PLEKHM3: variants seen among roughly 807,000 people sequenced by gnomAD.
PLEKHM3 encodes pleckstrin homology domain-containing family M member 3.
Under a neutral mutation model 81.8 loss-of-function variants are expected in PLEKHM3, and 45 were observed. The observed-to-expected ratio is 0.55, with a 90% CI of 0.43 to 0.71. The LOEUF is 0.71. Ranked by LOEUF, PLEKHM3 falls within the 30% of genes least tolerant of loss-of-function variation. The pLI, the probability that PLEKHM3 is intolerant of heterozygous loss-of-function variation, is 0.00. For synonymous variants in PLEKHM3, 352 were observed against 356.4 expected (o/e 0.99, Z 0.14); for missense variants, 788 against 924.3 (o/e 0.85, Z 1.91).
At chr2:207,923,855 G>GCACACACACACACACACACACACACA (rs1157865708) in intron 5 of PLEKHM3, among the ~76,000 whole-genome samples, 1 of 18,896 alleles carries the variant, frequency 5.3e-5, no homozygotes, top group African/African-American at 1.4e-4. Context: ...ACACACGCAC[G>GCACACACACACACACACACACACACA]CACACACACA....
At chr2:207,845,934 C>T (rs772186823) in intron 7 of PLEKHM3, among the ~76,000 whole-genome samples, 3 of 152,156 alleles carry the variant, frequency 2.0e-5, no homozygotes, top group South Asian at 2.1e-4. Flanking sequence ...GCCAACTTTA[C>T]GGAAAACATC....
At chr2:208,022,581 C>T (rs1693163548) in intron 1 of PLEKHM3, among the ~76,000 whole-genome samples, 1 of 152,216 alleles carries the variant, frequency 6.6e-6, no homozygotes. Flanking sequence ...GGGCCACCCT[C>T]AGCAACTCTA....
intron 6 of PLEKHM3, among the ~76,000 whole-genome samples, chr2:207,879,849 G>A (rs1282914859): frequency 6.6e-6 from 1 of 152,060 alleles, no homozygotes; most frequent in African/African-American, 2.4e-5. Flanking sequence ...TGACATTCTT[G>A]TTGATTATGC....
chr2:207,861,058 C>A (rs1208889862), intron 7 of PLEKHM3, 47 bp downstream of exon 7: 9 of 1,592,776 alleles, frequency 5.7e-6, no homozygotes, highest in Non-Finnish European at 7.7e-6. Flanking sequence ...AAGAAAATGG[C>A]ATATTACACA....
chr2:207,897,758 G>A (rs1295026208), intron 6 of PLEKHM3, among the ~76,000 whole-genome samples: 4 of 152,126 alleles, frequency 2.6e-5, no homozygotes, highest in Non-Finnish European at 5.9e-5. Flanking sequence ...CCTCCTAAAA[G>A]CTCCTGACAG....
At position 208,001,586 on chromosome 2, in the gene PLEKHM3, T is replaced by C. The variant is rs1385311581; in HGVS notation, c.54A>G (p.Glu18=). The C allele has an allele frequency of 6.2e-7, 1 of 1,614,194 alleles. No homozygotes were observed. The highest frequency in any genetic ancestry group is 8.5e-7 in the Non-Finnish European group (1 of 1,180,022). ...GATTACTATCCAAAGTACTAAAGAATTCCTCCGTAACTTCTAAGGCTGGGC... is the reference window on the plus strand; with the variant it reads ...GATTACTATCCAAAGTACTAAAGAACTCCTCCGTAACTTCTAAGGCTGGGC... ...DISPALEVTE[E]FFSTLDSNLE... Residue 18 remains glutamate (E), a synonymous_variant, in exon 2 of 8, where the codon GAA becomes GAG. Transcript: ENST00000427836.
At chr2:208,015,644 G>A (rs1485285252) in intron 1 of PLEKHM3, among the ~76,000 whole-genome samples, 3 of 152,210 alleles carry the variant, frequency 2.0e-5, no homozygotes, top group African/African-American at 7.2e-5. Flanking sequence ...GTTTGCAAGA[G>A]TATAATAACT....
chr2:207,834,160 G>A (rs1372836254), intron 7 of PLEKHM3, among the ~76,000 whole-genome samples: 1 of 130,450 alleles, frequency 7.7e-6, no homozygotes, highest in Non-Finnish European at 1.6e-5. Flanking sequence ...CAGAGTTTTT[G>A]CTCTTGTTGG....
chr2:207,968,885 C>T (rs1357029042), intron 3 of PLEKHM3, among the ~76,000 whole-genome samples: 1 of 152,206 alleles, frequency 6.6e-6, no homozygotes, highest in South Asian at 2.1e-4. Flanking sequence ...CTCATGTATC[C>T]AAGTTGTTTA....
At chr2:207,970,416 T>TG (rs1412483780) in intron 3 of PLEKHM3, among the ~76,000 whole-genome samples, 1 of 151,374 alleles carries the variant, frequency 6.6e-6, no homozygotes, top group Non-Finnish European at 1.5e-5. Context: ...TCTGTGATGG[T>TG]GGGGGGCACC....
chr2:207,901,422 G>C, intron 6 of PLEKHM3: 1 of 692,040 alleles, frequency 1.4e-6, no homozygotes, highest in Non-Finnish European at 2.6e-6. Flanking sequence ...CAGAAAACTA[G>C]TAGTTATGCT....
chr2:207,865,427 A>G (rs2092490237), intron 6 of PLEKHM3, among the ~76,000 whole-genome samples: 1 of 152,074 alleles, frequency 6.6e-6, no homozygotes, highest in Non-Finnish European at 1.5e-5. Flanking sequence ...CTCTATATCC[A>G]TTAGTAGTCA....
intron 7 of PLEKHM3, among the ~76,000 whole-genome samples, chr2:207,839,070 T>G (rs950504533): frequency 3.9e-5 from 6 of 152,132 alleles, no homozygotes; most frequent in Non-Finnish European, 2.9e-5. Flanking sequence ...TAATGTAAAA[T>G]TGAAACATTT....
intron 2 of PLEKHM3, among the ~76,000 whole-genome samples, chr2:207,994,257 A>T (rs1691997387): frequency 6.6e-6 from 1 of 152,208 alleles, no homozygotes; most frequent in South Asian, 2.1e-4. Flanking sequence ...ATATATGTTC[A>T]CATGACTTTT....
chr2:207,906,023 C>T (rs1314855467), intron 6 of PLEKHM3, among the ~76,000 whole-genome samples: 3 of 152,336 alleles, frequency 2.0e-5, no homozygotes, highest in African/African-American at 7.2e-5. Context: ...ATTACTTTGA[C>T]ACCCTAAAAT....
At chr2:207,974,843 T>G (rs946408662) in intron 3 of PLEKHM3, among the ~76,000 whole-genome samples, 1 of 151,858 alleles carries the variant, frequency 6.6e-6, no homozygotes, top group African/African-American at 2.4e-5. Flanking sequence ...TTCTTTTTTT[T>G]TTTTTTGAGA....
chr2:207,845,469 C>T (rs146276191), intron 7 of PLEKHM3, among the ~76,000 whole-genome samples: 1 of 152,274 alleles, frequency 6.6e-6, no homozygotes, highest in Admixed American at 6.5e-5. Context: ...TGCTAAAAAC[C>T]GACCTAAAAG....
rs2092361146 is a variant in PLEKHM3 at position 207,842,683 on chromosome 2, C to T, written c.2109-14187G>A. 3.3e-5 allele frequency among the ~76,000 whole-genome samples: 5 copies of T among 152,074 alleles called. No individual in the cohort carries two copies. The South Asian group carries it at 1.0e-3, about 32-fold the overall frequency. ...CGTTGGAACTTCTGTTTCCATTCTG[C>T]GTATTGGTAAATGTTGGATGGAACC... is the stretch of plus-strand genomic sequence containing the variant. On this transcript the variant is annotated intron_variant, in intron 7 of 7. Coordinates refer to ENST00000427836, the MANE Select transcript of PLEKHM3 (RefSeq NM_001080475.3).
At chr2:207,918,547 CAAACAAACAAACAAACAAACAAAA>C (rs1559236232) in intron 5 of PLEKHM3, among the ~76,000 whole-genome samples, 1 of 145,456 alleles carries the variant, frequency 6.9e-6, no homozygotes, top group African/African-American at 2.8e-5. Context: ...AAACAAAAAA[CAAACAAACAAACAAACAAACAAAA>C]AACCACTCTC....
Sources: allele counts gnomAD v4.1 joint callset (sites outside exome capture counted in the v4.1 genomes callset), GRCh38; gene constraint gnomAD v4.1.1; transcripts MANE v1.5; gene names NCBI Gene and HGNC (gene_info 2026-07-23, HGNC 2026-07-21).